The following RBM46 variants were observed in gnomAD, a reference collection of about 807,000 sequenced individuals.
RBM46 encodes probable RNA-binding protein 46.
In RBM46, 12 loss-of-function variants were observed where a neutral mutation model predicts 43.3. That is an observed-to-expected ratio of 0.28 (90% CI 0.18 to 0.45). The LOEUF (loss-of-function observed/expected upper bound fraction) is 0.45. Ranked by LOEUF, RBM46 falls within the 20% of genes least tolerant of loss-of-function variation. The pLI is 1.00. For missense variants in RBM46, 412 were observed against 639.1 expected (o/e 0.64, Z 3.83); for synonymous variants, 205 against 207.6 (o/e 0.99, Z 0.11).
At chr4:154,787,725 T>G (rs1030322340) in intron 1 of RBM46, among the ~76,000 whole-genome samples, 10 of 152,174 alleles carry the variant, frequency 6.6e-5, no homozygotes, top group Non-Finnish European at 1.3e-4. Flanking sequence ...GGTCAAATGG[T>G]ATTTCTAGTT....
intron 4 of RBM46, among the ~76,000 whole-genome samples, chr4:154,814,570 T>A (rs1735335109): frequency 6.6e-6 from 1 of 152,024 alleles, no homozygotes; most frequent in Non-Finnish European, 1.5e-5. Flanking sequence ...TCCTGTTAAA[T>A]TTGATTTCAT....
rs1733597684 is a variant in RBM46 at position 154,783,319 on chromosome 4, AATT to A, written c.-12+1888_-12+1890del. Among the ~76,000 whole-genome samples the A allele has an allele frequency of 3.4e-5, 5 of 148,528 alleles. No homozygotes were observed. The South Asian group carries it at 8.3e-4, about 25-fold the overall frequency. On this transcript the variant is annotated intron_variant, in intron 1 of 4. Transcript: ENST00000281722. ...ATTACTGGATATATTATGAAACAAG[AATT>A]ATTAATAACGAGAACAAACCCAGTT...
At chr4:154,785,107 A>G (rs1164145592) in intron 1 of RBM46, among the ~76,000 whole-genome samples, 4 of 151,854 alleles carry the variant, frequency 2.6e-5, no homozygotes, top group Non-Finnish European at 5.9e-5. Flanking sequence ...TTCTAAAGAG[A>G]ATATAGGATT....
At position 154,828,588 on chromosome 4, in the gene RBM46, T is replaced by G. The variant is rs1183352523; in HGVS notation, c.*521T>G. ...TTGTGCAGTACTAAAGAAAAAGCAG[T>G]CTACCATTGTGGTCCTTGAAAATAA... On this transcript the variant is annotated 3_prime_UTR_variant, in exon 5 of 5. Transcript: ENST00000281722. 6.5e-6 allele frequency: 1 copy of G among 152,804 alleles called. No individual in the cohort carries two copies. The highest frequency in any genetic ancestry group is 1.5e-5 in the Non-Finnish European group (1 of 68,182). The allele number at this position is 152,804 out of a possible 1,614,324, so 9.5% of individuals were successfully genotyped here.
At chr4:154,790,194 A>G (rs1024495586) in intron 1 of RBM46, 1 of 151,834 alleles carries the variant, frequency 6.6e-6, no homozygotes, top group Non-Finnish European at 1.5e-5. Context: ...GATCTTAGTT[A>G]TTTCTTGCCT....
At chr4:154,791,645 T>C (rs1395980648) in intron 1 of RBM46, among the ~76,000 whole-genome samples, 1 of 152,162 alleles carries the variant, frequency 6.6e-6, no homozygotes, top group Non-Finnish European at 1.5e-5. Context: ...AGGAAAGAGA[T>C]TATGATACAT....
intron 1 of RBM46, among the ~76,000 whole-genome samples, chr4:154,785,032 ACTTT>A (rs1269415563): frequency 2.0e-5 from 3 of 152,084 alleles, no homozygotes; most frequent in Admixed American, 1.3e-4. Context: ...GTAATTTTGA[ACTTT>A]CTTGTGAATT....
At chr4:154,785,810 C>T (rs532539547) in intron 1 of RBM46, among the ~76,000 whole-genome samples, 1 of 152,186 alleles carries the variant, frequency 6.6e-6, no homozygotes, top group South Asian at 2.1e-4. Context: ...GGCCCTTGGT[C>T]TTTTCGATTA....
At chr4:154,782,962 C>G (rs1733573580) in intron 1 of RBM46, among the ~76,000 whole-genome samples, 2 of 152,144 alleles carry the variant, frequency 1.3e-5, no homozygotes, top group African/African-American at 2.4e-5. Context: ...AGAATCACCA[C>G]GATGTATATA....
At position 154,781,273 on chromosome 4, in the gene RBM46, G is replaced by A. The variant is rs1733442829; in HGVS notation, c.-175G>A. On this transcript the variant is annotated 5_prime_UTR_variant, in exon 1 of 5. Transcript: ENST00000281722. ...AGGCCACCGCGCGCGCTGCGCGCTG[G>A]GAAACGAGTGGAGACACGAGGACCA... The A allele has an allele frequency of 6.6e-6, 1 of 152,200 alleles. No individual in the cohort carries two copies. Among genetic ancestry groups the A allele is most frequent in the African/African-American group, 2.4e-5 (1 of 41,436 alleles). The allele number at this position is 152,200 out of a possible 1,614,324, so 9.4% of individuals were successfully genotyped here. A position where few individuals can be genotyped will look rare whatever the true frequency, so the allele number is the denominator to read the frequency against.
intron 4 of RBM46, chr4:154,826,690 T>A: frequency 1.1e-6 from 1 of 879,628 alleles, no homozygotes; most frequent in Admixed American, 2.5e-5. Context: ...TTAATTAGAG[T>A]TTTATAATGC....
intron 1 of RBM46, among the ~76,000 whole-genome samples, chr4:154,784,816 T>C (rs866471252): frequency 9.9e-5 from 15 of 152,224 alleles, no homozygotes; most frequent in African/African-American, 1.9e-4. Context: ...AAATTAAGTC[T>C]GGAAGCCTCA....
chr4:154,786,629 T>TA lies in RBM46; in HGVS notation c.-12+5205dup, dbSNP rs1341001553. 4.3e-3 allele frequency among the ~76,000 whole-genome samples: 475 copies of TA among 110,196 alleles called. 4 individuals are homozygous for TA. The highest frequency in any genetic ancestry group is 0.014 in the African/African-American group (387 of 27,018). 72.3% of individuals were successfully genotyped at this position (110,196 alleles called of 152,430 possible). A position where few individuals can be genotyped will look rare whatever the true frequency, so the allele number is the denominator to read the frequency against. On this transcript the variant is annotated intron_variant, in intron 1 of 4. Transcript: ENST00000281722. ...AGGATATTCATCTTAAATCTTCGGT[T>TA]AAAAAAAAAAAACAGTAGGCCAGGT...
At chr4:154,792,876 A>G (rs1734169305) in intron 1 of RBM46, among the ~76,000 whole-genome samples, 1 of 152,202 alleles carries the variant, frequency 6.6e-6, no homozygotes, top group African/African-American at 2.4e-5. Flanking sequence ...CTTTCTAAAG[A>G]GTTCAGATTT....
At chr4:154,820,859 G>T (rs1434289377) in intron 4 of RBM46, among the ~76,000 whole-genome samples, 1 of 151,856 alleles carries the variant, frequency 6.6e-6, no homozygotes, top group Non-Finnish European at 1.5e-5. Context: ...TACTTCTTGA[G>T]GAAGATAAGT....
chr4:154,794,256 CT>C (rs1000349626), intron 1 of RBM46, among the ~76,000 whole-genome samples: 23 of 149,208 alleles, frequency 1.5e-4, no homozygotes, highest in Non-Finnish European at 3.1e-4. Flanking sequence ...TCTCTGCTCA[CT>C]GCAAGCTCCG....
intron 4 of RBM46, among the ~76,000 whole-genome samples, chr4:154,818,908 C>T (rs544679738): frequency 6.6e-6 from 1 of 152,060 alleles, no homozygotes; most frequent in African/African-American, 2.4e-5. Flanking sequence ...ATTTGAGTCT[C>T]TTTTGTGATT....
chr4:154,799,755 C>CTTTTTTT (rs35629123), intron 4 of RBM46, among the ~76,000 whole-genome samples, 191 bp downstream of exon 4: 2 of 114,660 alleles, frequency 1.7e-5, no homozygotes, highest in Non-Finnish European at 3.5e-5. Context: ...TTTAGCTTTT[C>CTTTTTTT]TTTTTTTTTT....
chr4:154,800,895 CA>C (rs1252698753), intron 4 of RBM46, among the ~76,000 whole-genome samples: 1 of 151,746 alleles, frequency 6.6e-6, no homozygotes, highest in Non-Finnish European at 1.5e-5. Flanking sequence ...AAAACATTCT[CA>C]AAAGGGAGAA....
Sources: gnomAD v4.1 joint callset for allele counts (sites outside exome capture counted in the v4.1 genomes callset) on GRCh38, gnomAD v4.1.1 for gene constraint, MANE v1.5 for transcripts, NCBI Gene and HGNC (gene_info 2026-07-23, HGNC 2026-07-21) for gene names.